CALCOCO1: variants seen among roughly 807,000 people sequenced by gnomAD.
The protein encoded by CALCOCO1 is calcium-binding and coiled-coil domain-containing protein 1.
Under a neutral mutation model 86.3 loss-of-function variants are expected in CALCOCO1, and 44 were observed. The ratio of observed to expected loss-of-function variants is 0.51; its 90% CI spans 0.40 to 0.66. The LOEUF (loss-of-function observed/expected upper bound fraction) is 0.66, where lower values mean the gene tolerates loss of function less well. Among genes scored for constraint, CALCOCO1 ranks in the 30% least tolerant of loss-of-function variants. The pLI is 0.00. For synonymous variants in CALCOCO1, 297 were observed against 327.6 expected, an observed-to-expected ratio of 0.91 and a Z score of 1.01; for missense variants, 708 against 851.1, an observed-to-expected ratio of 0.83 and a Z score of 2.09.
Position 53,721,594 on chromosome 12 carries a change from C to G in CALCOCO1, c.631G>C (p.Glu211Gln). 6.2e-7 allele frequency: 1 copy of G among 1,614,006 alleles called. No individual in the cohort carries two copies. Among genetic ancestry groups the G allele is most frequent in the Non-Finnish European group, 8.5e-7 (1 of 1,179,976 alleles). The change falls in exon 6 of 15, where the codon GAG becomes CAG. Residue 211 changes from glutamate to glutamine, a missense_variant. By Grantham distance (29) the Glu-to-Gln change is conservative. Coordinates refer to ENST00000550804, the MANE Select transcript of CALCOCO1 (RefSeq NM_020898.3). Reference protein sequence around the residue: ...QYKGISRSHGEITEERDILSR... With the variant: ...QYKGISRSHGQITEERDILSR... ...AGGATGTCCCTCTCTTCTGTGATCT[C>G]CCCATGGGACCGGGAAATCCCCTGA...
chr12:53,720,080 T>C (rs537687862), intron 6 of CALCOCO1, among the ~76,000 whole-genome samples: 10 of 152,374 alleles, frequency 6.6e-5, no homozygotes, highest in Non-Finnish European at 1.2e-4. Context: ...AATGTTTTGC[T>C]GATGGCTCCC....
At chr12:53,726,115 A>G (rs560011859) in intron 1 of CALCOCO1, 1 of 152,236 alleles carries the variant, frequency 6.6e-6, no homozygotes, top group Non-Finnish European at 1.5e-5. Context: ...GGAACAGACT[A>G]GAAAGTGGGA....
intron 7 of CALCOCO1, among the ~76,000 whole-genome samples, chr12:53,719,516 ACT>A (rs1214334240): frequency 6.6e-6 from 1 of 151,902 alleles, no homozygotes; most frequent in Non-Finnish European, 1.5e-5. Context: ...ACAAAGTAAG[ACT>A]CTGTCTCCAA....
At chr12:53,715,547 G>A in intron 9 of CALCOCO1, 3 of 731,710 alleles carry the variant, frequency 4.1e-6, no homozygotes, top group Non-Finnish European at 6.6e-6. Flanking sequence ...CAGGGCCTGG[G>A]GTCTAGGACA....
In CALCOCO1 at chr12:53,714,207, C is replaced by A. The variant is rs749733927; in HGVS notation, c.1517G>T (p.Arg506Leu). 55 of 1,613,520 alleles carry A rather than the reference C, an allele frequency of 3.4e-5. No homozygotes were observed. The highest frequency in any genetic ancestry group is 4.5e-5 in the Non-Finnish European group (53 of 1,179,944). ...CTTCTCATCTGCCACCTTCTCCAGG[C>A]GGGCCTCTAGCTTTCTCATGTACTC... is the stretch of plus-strand genomic sequence containing the variant. Reference protein sequence around the residue: ...LLEYMRKLEARLEKVADEKWN... With the variant: ...LLEYMRKLEALLEKVADEKWN... The change falls in exon 12 of 15, where the codon CGC becomes CTC. Residue 506 changes from arginine (R) to leucine (L), a missense_variant. Coordinates refer to ENST00000550804, the MANE Select transcript of CALCOCO1 (RefSeq NM_020898.3).
At chr12:53,723,514 G>C (rs1264786616) in intron 4 of CALCOCO1, 79 bp downstream of exon 4, 3 of 1,455,792 alleles carry the variant, frequency 2.1e-6, no homozygotes, top group Non-Finnish European at 2.9e-6. Context: ...GATGAGGGGA[G>C]GGTAAGGTGG....
chr12:53,715,703 C>T (rs1945705971), intron 9 of CALCOCO1, 90 bp downstream of exon 9: 1 of 1,527,954 alleles, frequency 6.5e-7, no homozygotes, highest in Non-Finnish European at 8.9e-7. Flanking sequence ...CCCCTCTTCT[C>T]TCCTCCCAGA....
Position 53,724,715 on chromosome 12 carries a change from T to C in CALCOCO1, c.189A>G (p.Thr63=), listed in dbSNP as rs752666351. 2.2e-5 allele frequency: 35 copies of C among 1,613,666 alleles called. No homozygotes were observed. The highest frequency in any genetic ancestry group is 2.8e-5 in the Non-Finnish European group (33 of 1,179,918). Reference sequence around the variant, plus strand: ...TTTCAGGCACGGAAGACCACACAAATGTGTGGTAATCCCGAACACAGGCAG... The same window carrying C: ...TTTCAGGCACGGAAGACCACACAAACGTGTGGTAATCCCGAACACAGGCAG... ...VEAACVRDYH[T]FVWSSVPEST... is the part of the protein sequence containing the mutation. Residue 63 remains threonine (T), a synonymous_variant, in exon 3 of 15, where the codon ACA becomes ACG. Transcript: ENST00000550804.
chr12:53,712,936 G>A, intron 14 of CALCOCO1, 164 bp downstream of exon 14: 1 of 1,288,706 alleles, frequency 7.8e-7, no homozygotes, highest in Admixed American at 2.0e-5. Flanking sequence ...TCTGGGATTT[G>A]GAGCAGTGAG....
At position 53,709,256 on chromosome 12, in the gene CALCOCO1, G is replaced by A. The variant is rs1945508376; in HGVS notation, c.*2688C>T. 2 of 152,220 alleles carry A rather than the reference G, an allele frequency of 1.3e-5. No individual in the cohort carries two copies. The highest frequency in any genetic ancestry group is 2.1e-4 in the South Asian group (1 of 4,830). 9.4% of individuals were successfully genotyped at this position (152,220 alleles called of 1,614,324 possible). On this transcript the variant is annotated 3_prime_UTR_variant, in exon 15 of 15. Transcript: ENST00000550804. ...GCTGAGTTGCCAAATACCCCTCAGTGAGTAGGAAAGAGAACTAGAATTGGA... is the reference window on the plus strand; with the variant it reads ...GCTGAGTTGCCAAATACCCCTCAGTAAGTAGGAAAGAGAACTAGAATTGGA...
At chr12:53,717,885 C>T (rs1228185100) in intron 7 of CALCOCO1, among the ~76,000 whole-genome samples, 1 of 151,996 alleles carries the variant, frequency 6.6e-6, no homozygotes, top group Non-Finnish European at 1.5e-5. Context: ...ATTAGCTGGG[C>T]GTGGTGGCGG....
intron 7 of CALCOCO1, among the ~76,000 whole-genome samples, chr12:53,717,644 G>A (rs1406533699): frequency 6.6e-6 from 1 of 152,126 alleles, no homozygotes; most frequent in East Asian, 1.9e-4. Flanking sequence ...CATAAACCCA[G>A]GGTACTGAAG....
In CALCOCO1 at chr12:53,725,226, A is replaced by G. The variant is rs1415064908; in HGVS notation, c.17T>C (p.Leu6Pro). The change falls in exon 2 of 15, where the codon CTA becomes CCA. Residue 6 changes from leucine (L) to proline (P), a missense_variant. Physicochemically the swap from Leu to Pro is moderately conservative, Grantham distance 98. Coordinates refer to ENST00000550804, the MANE Select transcript of CALCOCO1 (RefSeq NM_020898.3). MEESP[L>P]SRAPSRGGVN... ...TCCACCACGGGATGGTGCCCGGCTTAGTGGTGATTCTTCCATCCTGGCCTT... is the reference window on the plus strand; with the variant it reads ...TCCACCACGGGATGGTGCCCGGCTTGGTGGTGATTCTTCCATCCTGGCCTT... 2 of 1,601,280 alleles carry G rather than the reference A, an allele frequency of 1.2e-6. No individual in the cohort carries two copies. Among genetic ancestry groups the G allele is most frequent in the Admixed American group, 3.5e-5 (2 of 57,588 alleles).
intron 6 of CALCOCO1, 107 bp from the exon 7 acceptor site, chr12:53,719,936 C>A: frequency 1.5e-6 from 1 of 674,402 alleles, no homozygotes. Context: ...CCCAGAGCTC[C>A]ATTTCACTCT....
intron 5 of CALCOCO1, 23 bp downstream of exon 5, chr12:53,722,002 C>T (rs774860462): frequency 3.1e-6 from 5 of 1,611,394 alleles, no homozygotes; most frequent in Non-Finnish European, 2.5e-6. Flanking sequence ...CAGGCCCTGT[C>T]CCCTACCTGG....
intron 7 of CALCOCO1, 54 bp downstream of exon 7, chr12:53,719,685 G>T: frequency 7.9e-7 from 1 of 1,261,412 alleles, no homozygotes; most frequent in Non-Finnish European, 1.2e-6. Flanking sequence ...TCTCGAGAGG[G>T]AATCAAACAC....
chr12:53,715,574 C>T (rs1945702734), intron 9 of CALCOCO1: 2 of 754,534 alleles, frequency 2.7e-6, no homozygotes, highest in African/African-American at 1.8e-5. Context: ...GTTTCTGTTC[C>T]AAGGAAGGTA....
intron 1 of CALCOCO1, among the ~76,000 whole-genome samples, chr12:53,727,183 A>AGAGGACGACGAGGGGG (rs1946059602): frequency 6.6e-6 from 1 of 152,082 alleles, no homozygotes; most frequent in Non-Finnish European, 1.5e-5. Context: ...GAGAAGAAGG[A>AGAGGACGACGAGGGGG]GAGGACGACG....
intron 7 of CALCOCO1, among the ~76,000 whole-genome samples, chr12:53,718,446 T>C (rs1367716845): frequency 1.3e-5 from 2 of 152,202 alleles, no homozygotes; most frequent in Non-Finnish European, 2.9e-5. Context: ...TTCAGTGAGA[T>C]TCCACACAAG....
Sources: allele counts gnomAD v4.1 joint callset (sites outside exome capture counted in the v4.1 genomes callset), GRCh38; gene constraint gnomAD v4.1.1; transcripts MANE v1.5; gene names NCBI Gene and HGNC (gene_info 2026-07-23, HGNC 2026-07-21).